Variants in FARP1 observed in about 807,000 individuals in gnomAD.
The protein encoded by FARP1 is FERM, ARH/RhoGEF and pleckstrin domain protein 1, also known as FERM, ARHGEF and pleckstrin domain-containing protein 1.
Under a neutral mutation model 128.8 loss-of-function variants are expected in FARP1, and 52 were observed. The observed-to-expected ratio is 0.40, with a 90% CI of 0.32 to 0.51. The LOEUF (loss-of-function observed/expected upper bound fraction) is 0.51. Among genes scored for constraint, FARP1 ranks in the 20% least tolerant of loss-of-function variants. FARP1 has a pLI of 0.45. For missense variants in FARP1, 1,333 were observed against 1,367.9 expected (o/e 0.97, Z 0.40); for synonymous variants, 580 against 551.8 (o/e 1.05, Z -0.72).
intron 1 of FARP1, among the ~76,000 whole-genome samples, chr13:98,179,888 T>C (rs1377176668): frequency 6.8e-6 from 1 of 146,568 alleles, no homozygotes; most frequent in African/African-American, 2.5e-5. Context: ...ACAAAAAACT[T>C]TTGACTTAAT....
intron 6 of FARP1, among the ~76,000 whole-genome samples, chr13:98,379,434 T>A (rs1329298946): frequency 6.6e-6 from 1 of 151,230 alleles, no homozygotes; most frequent in African/African-American, 2.4e-5. Flanking sequence ...AGGCTTTGAG[T>A]CTGGCAGACC....
intron 2 of FARP1, among the ~76,000 whole-genome samples, chr13:98,268,656 C>T (rs1303789365): frequency 6.6e-6 from 1 of 151,854 alleles, no homozygotes; most frequent in Non-Finnish European, 1.5e-5. Flanking sequence ...TTAGTAGAGA[C>T]AGGGTTTCAT....
In FARP1 at chr13:98,341,430, G is replaced by A. The variant is rs371767231; in HGVS notation, c.172-2332G>A. Among the ~76,000 whole-genome samples the A allele has an allele frequency of 5.3e-5, 8 of 152,170 alleles. No homozygotes were observed. In the South Asian group the frequency reaches 1.5e-3, roughly 28 times the overall value. ...AGGCCGATTACGAGGTCAGGAGTTC[G>A]AGACCAGCGTGGTCAACATGGTGAA... is the stretch of plus-strand genomic sequence containing the variant. On this transcript the variant is annotated intron_variant, in intron 2 of 26. Transcript: ENST00000319562.
chr13:98,275,398 T>C (rs1394327196), intron 2 of FARP1, among the ~76,000 whole-genome samples: 1 of 150,956 alleles, frequency 6.6e-6, no homozygotes, highest in Non-Finnish European at 1.5e-5. Flanking sequence ...TATATTCATA[T>C]ATATATATGT....
intron 1 of FARP1, among the ~76,000 whole-genome samples, chr13:98,153,463 T>C (rs1325677337): frequency 2.2e-5 from 3 of 137,750 alleles, no homozygotes; most frequent in African/African-American, 5.2e-5. Flanking sequence ...TAATACATTA[T>C]ATATAAATAT....
chr13:98,423,963 CCTCT>C (rs1456371633), intron 16 of FARP1, among the ~76,000 whole-genome samples: 2 of 152,296 alleles, frequency 1.3e-5, no homozygotes, highest in East Asian at 1.9e-4. Flanking sequence ...CCCCTCCACG[CCTCT>C]CTCTCTTCCT....
At chr13:98,154,406 A>T (rs1220317972) in intron 1 of FARP1, among the ~76,000 whole-genome samples, 48 of 152,186 alleles carry the variant, frequency 3.2e-4, no homozygotes, top group Non-Finnish European at 2.1e-4. Context: ...AAATATAGAG[A>T]AAAACATCTT....
chr13:98,399,513 G>T (rs1428416311), intron 13 of FARP1: 1 of 152,276 alleles, frequency 6.6e-6, no homozygotes, highest in African/African-American at 2.4e-5. Context: ...GTGGAGGAAG[G>T]CCAGAGGTAG....
chr13:98,416,644 G>A (rs758779866), intron 16 of FARP1, among the ~76,000 whole-genome samples: 1 of 152,242 alleles, frequency 6.6e-6, no homozygotes, highest in Non-Finnish European at 1.5e-5. Flanking sequence ...TTACTCAGCT[G>A]TTCAAATGAG....
intron 2 of FARP1, among the ~76,000 whole-genome samples, chr13:98,281,281 A>T (rs1461958641): frequency 6.6e-6 from 1 of 151,932 alleles, no homozygotes; most frequent in African/African-American, 2.4e-5. Flanking sequence ...TGATCCCAGG[A>T]GGCGGAGGTT....
chr13:98,167,396 A>C (rs1235703257), intron 1 of FARP1, among the ~76,000 whole-genome samples: 2 of 143,900 alleles, frequency 1.4e-5, no homozygotes, highest in Admixed American at 1.5e-4. Flanking sequence ...CAATTTGAGA[A>C]CAGTTTTACT....
At chr13:98,373,535 C>CAGACAG (rs373038953) in intron 5 of FARP1, among the ~76,000 whole-genome samples, 140 of 56,800 alleles carry the variant, frequency 2.5e-3, no homozygotes, top group African/African-American at 7.0e-3. Context: ...GACAGACAGA[C>CAGACAG]ACACACACAC....
intron 1 of FARP1, among the ~76,000 whole-genome samples, chr13:98,179,815 C>G (rs1878376962): frequency 6.6e-6 from 1 of 152,068 alleles, no homozygotes; most frequent in African/African-American, 2.4e-5. Flanking sequence ...CGAGATCAAG[C>G]CACTGCACTC....
chr13:98,408,138 C>T (rs1891048694), intron 13 of FARP1, among the ~76,000 whole-genome samples: 1 of 152,068 alleles, frequency 6.6e-6, no homozygotes, highest in Non-Finnish European at 1.5e-5. Context: ...CATATTAGCT[C>T]TAGCAAATCT....
intron 1 of FARP1, among the ~76,000 whole-genome samples, chr13:98,175,048 T>A (rs1009385865): frequency 2.0e-5 from 3 of 152,182 alleles, no homozygotes; most frequent in Admixed American, 6.5e-5. Flanking sequence ...CCGCAGTTGC[T>A]TGCATAGCCG....
intron 2 of FARP1, among the ~76,000 whole-genome samples, chr13:98,287,749 G>T (rs1165311529): frequency 6.7e-6 from 1 of 149,392 alleles, no homozygotes; most frequent in African/African-American, 2.5e-5. Flanking sequence ...GATGTTTTGT[G>T]CTGTGCCGTT....
At chr13:98,218,154 C>T (rs534855237) in intron 2 of FARP1, among the ~76,000 whole-genome samples, 6 of 151,438 alleles carry the variant, frequency 4.0e-5, no homozygotes, top group Non-Finnish European at 8.8e-5. Flanking sequence ...CCCACATCCT[C>T]ACCCCATGCT....
At chr13:98,163,034 C>T (rs1280058927) in intron 1 of FARP1, among the ~76,000 whole-genome samples, 1 of 152,162 alleles carries the variant, frequency 6.6e-6, no homozygotes, top group Non-Finnish European at 1.5e-5. Flanking sequence ...ATGTTCATTG[C>T]AGCACCATTC....
At chr13:98,172,988 A>G (rs2139169830) in intron 1 of FARP1, among the ~76,000 whole-genome samples, 3 of 152,342 alleles carry the variant, frequency 2.0e-5, no homozygotes, top group Admixed American at 2.0e-4. Context: ...ATTTTGAAAA[A>G]TGTGCAGTAG....
Sources: gnomAD v4.1 joint callset for allele counts (sites outside exome capture counted in the v4.1 genomes callset) on GRCh38, gnomAD v4.1.1 for gene constraint, MANE v1.5 for transcripts, NCBI Gene and HGNC (gene_info 2026-07-23, HGNC 2026-07-21) for gene names.